RELCH: variants seen among roughly 807,000 people sequenced by gnomAD.
RELCH encodes the protein RAB11 binding and LisH domain, coiled-coil and HEAT repeat containing.
In RELCH, 41 loss-of-function variants were observed where a neutral mutation model predicts 150.3. The ratio of observed to expected loss-of-function variants is 0.27; its 90% CI spans 0.21 to 0.35. RELCH has a LOEUF of 0.35. RELCH is among the 10% of genes least tolerant of loss of function. RELCH has a pLI of 1.00. For missense variants in RELCH, 1,092 were observed against 1,467.8 expected (o/e 0.74, Z 4.18); for synonymous variants, 478 against 531.8 (o/e 0.90, Z 1.39).
At chr18:62,249,685 A>G (rs892829936) in intron 11 of RELCH, among the ~76,000 whole-genome samples, 10 of 152,018 alleles carry the variant, frequency 6.6e-5, no homozygotes, top group African/African-American at 2.4e-4. Context: ...CCTGGTGGCC[A>G]AAAGTACTTA....
chr18:62,245,175 A>C (rs1206135474), intron 11 of RELCH, among the ~76,000 whole-genome samples: 1 of 152,252 alleles, frequency 6.6e-6, no homozygotes, highest in Non-Finnish European at 1.5e-5. Context: ...CACTCTAAGA[A>C]ATTTACCTTA....
In RELCH at chr18:62,220,764, T is replaced by C. The variant is rs534695289; in HGVS notation, c.617-273T>C. Reference sequence around the variant, plus strand: ...ATCTAAATGAGAGTATGCCATAGATTTTATTTTTAAATAGAGCTATTCCTT... The same window carrying C: ...ATCTAAATGAGAGTATGCCATAGATCTTATTTTTAAATAGAGCTATTCCTT... On this transcript the variant is annotated intron_variant, in intron 2 of 28. Transcript: ENST00000644646. The C allele has an allele frequency of 2.7e-5, 11 of 411,696 alleles. No individual in the cohort carries two copies. In the East Asian group the frequency reaches 5.8e-4, roughly 22 times the overall value. 25.5% of individuals were successfully genotyped at this position (411,696 alleles called of 1,614,324 possible).
chr18:62,232,393 A>C lies in RELCH; in HGVS notation c.1586A>C (p.His529Pro). The C allele has an allele frequency of 6.2e-7, 1 of 1,611,584 alleles. No homozygotes were observed. The change falls in exon 10 of 29, where the codon CAC becomes CCC. Residue 529 changes from histidine to proline, a missense_variant. This residue lies in a region of RELCH where 707 missense variants were observed against 1,025.4 expected (regional missense o/e 0.69). Coordinates refer to ENST00000644646, the MANE Select transcript of RELCH (RefSeq NM_001346231.2). ...VMLMLGRCLP[H>P]IVPNVLLAKR... is the part of the protein sequence containing the mutation. ...TTAATGCTGGGACGCTGCCTGCCAC[A>C]CATTGTTCCCAATGTGCTATTGGCA...
At chr18:62,196,919 A>G (rs547566634) in intron 1 of RELCH, among the ~76,000 whole-genome samples, 1 of 152,346 alleles carries the variant, frequency 6.6e-6, no homozygotes, top group South Asian at 2.1e-4. Flanking sequence ...ACATTCTGTT[A>G]TAGAAAAATC....
At chr18:62,264,257 G>A (rs970581232) in intron 17 of RELCH, 112 bp downstream of exon 17, 8 of 784,422 alleles carry the variant, frequency 1.0e-5, no homozygotes, top group Non-Finnish European at 4.1e-6. Context: ...CATCATTTTT[G>A]GTAAACACCT....
intron 25 of RELCH, among the ~76,000 whole-genome samples, chr18:62,284,538 C>T (rs1218388113): frequency 6.6e-6 from 1 of 152,174 alleles, no homozygotes; most frequent in Non-Finnish European, 1.5e-5. Flanking sequence ...ACTTCCCAGT[C>T]AAGTGGCTTC....
chr18:62,265,344 T>C (rs1378360178), intron 18 of RELCH, among the ~76,000 whole-genome samples: 3 of 152,050 alleles, frequency 2.0e-5, no homozygotes, highest in Admixed American at 1.3e-4. Flanking sequence ...GTTTCAGTCA[T>C]TACCAAAAGT....
chr18:62,287,305 A>G (rs2044858477), intron 25 of RELCH, 46 bp from the exon 26 acceptor site: 2 of 854,990 alleles, frequency 2.3e-6, no homozygotes, highest in Non-Finnish European at 4.0e-6. Context: ...AGGGTTTTGT[A>G]TGCATGTTTT....
Position 62,261,522 on chromosome 18 carries a change from T to G in RELCH, c.2214T>G (p.His738Gln). ...TCCTTATGTTTCAGGAAGGAGAACA[T>G]GGACTGGATGAACACAAACTCCACA... The part of the protein sequence containing the change: ...KIEKLLREGE[H>Q]GLDEHKLHMY... The change falls in exon 16 of 29, where the codon CAT (histidine) becomes CAG (glutamine). Residue 738 changes from histidine (H) to glutamine (Q), a missense_variant. Coordinates refer to ENST00000644646, the MANE Select transcript of RELCH (RefSeq NM_001346231.2). 1 of 1,611,334 alleles carries G rather than the reference T, an allele frequency of 6.2e-7. No homozygotes were observed. The highest frequency in any genetic ancestry group is 1.1e-5 in the South Asian group (1 of 90,822).
At chr18:62,200,368 C>A (rs1456129221) in intron 1 of RELCH, among the ~76,000 whole-genome samples, 1 of 152,140 alleles carries the variant, frequency 6.6e-6, no homozygotes, top group African/African-American at 2.4e-5. Context: ...TTAGTAAATA[C>A]TGCATAAGTA....
intron 15 of RELCH, among the ~76,000 whole-genome samples, chr18:62,259,318 C>T (rs1232552044): frequency 1.3e-5 from 2 of 151,474 alleles, no homozygotes; most frequent in South Asian, 2.1e-4. Context: ...GCTGGGTTAG[C>T]GTTTGAGCAT....
At chr18:62,193,627 G>T (rs2038810971) in intron 1 of RELCH, among the ~76,000 whole-genome samples, 1 of 152,062 alleles carries the variant, frequency 6.6e-6, no homozygotes, top group Non-Finnish European at 1.5e-5. Context: ...ATAATCATGT[G>T]GTTTTTGTCT....
intron 20 of RELCH, among the ~76,000 whole-genome samples, chr18:62,273,480 G>A (rs914501461): frequency 6.6e-6 from 1 of 152,006 alleles, no homozygotes; most frequent in Non-Finnish European, 1.5e-5. Context: ...CTAGTAGTTT[G>A]TATTATATAG....
chr18:62,290,753 C>T (rs1409139358), intron 26 of RELCH, among the ~76,000 whole-genome samples: 1 of 152,146 alleles, frequency 6.6e-6, no homozygotes, highest in Non-Finnish European at 1.5e-5. Context: ...TAATCCTAAA[C>T]TTAACAAATG....
intron 10 of RELCH, chr18:62,234,945 G>A (rs138788063): frequency 6.6e-6 from 1 of 151,748 alleles, no homozygotes; most frequent in Non-Finnish European, 1.5e-5. Flanking sequence ...TATGAAATCT[G>A]ATTTATCTAT....
chr18:62,303,525 T>C (rs183607831), intron 28 of RELCH, among the ~76,000 whole-genome samples: 13 of 152,346 alleles, frequency 8.5e-5, no homozygotes, highest in East Asian at 3.9e-4. Context: ...GTCTGACCCA[T>C]ACATCCCCTT....
rs1361056060 is a variant in RELCH, at chr18:62,279,818, T to G, written c.3012T>G (p.Val1004=). The G allele has an allele frequency of 6.5e-7, 1 of 1,535,860 alleles. No individual in the cohort carries two copies. Among genetic ancestry groups the G allele is most frequent in the South Asian group, 1.2e-5 (1 of 84,060 alleles). The change falls in exon 23 of 29, where the codon GTT becomes GTG. Residue 1004 remains valine, a synonymous_variant. Transcript: ENST00000644646. ...ATGAAACTCTGGTAGCTCAGAGGGT[T>G]GTTCCTGCTCTCATTACTCTCTCCA... ...GVNETLVAQR[V]VPALITLSSD...
At chr18:62,222,742 A>T (rs1235124215) in intron 5 of RELCH, among the ~76,000 whole-genome samples, 1 of 152,020 alleles carries the variant, frequency 6.6e-6, no homozygotes, top group Non-Finnish European at 1.5e-5. Flanking sequence ...ATTTTATAAA[A>T]ATGCTTCATC....
At chr18:62,218,756 CTTGG>C (rs956178455) in intron 2 of RELCH, among the ~76,000 whole-genome samples, 2 of 151,928 alleles carry the variant, frequency 1.3e-5, no homozygotes, top group African/African-American at 2.4e-5. Flanking sequence ...CTATGAGCCA[CTTGG>C]TTGGTCATTC....
Sources: gnomAD v4.1 joint callset for allele counts (sites outside exome capture counted in the v4.1 genomes callset) on GRCh38, gnomAD v4.1.1 for gene constraint, gnomAD v4.1.1 regional missense constraint, MANE v1.5 for transcripts, NCBI Gene and HGNC (gene_info 2026-07-23, HGNC 2026-07-21) for gene names.